Variants in ITPR1 observed in about 807,000 individuals in gnomAD.
ITPR1 encodes inositol 1,4,5-trisphosphate-gated calcium channel ITPR1.
Under a neutral mutation model 318.4 loss-of-function variants are expected in ITPR1, and 96 were observed. The ratio of observed to expected loss-of-function variants is 0.30; its 90% CI spans 0.26 to 0.36. ITPR1 has a LOEUF of 0.36. Ranked by LOEUF, ITPR1 falls within the 10% of genes least tolerant of loss-of-function variation. ITPR1 has a pLI of 1.00. For synonymous variants in ITPR1, 1,312 were observed against 1,289.9 expected (o/e 1.02, Z -0.37); for missense variants, 2,440 against 3,460.2 (o/e 0.71, Z 7.40).
At chr3:4,690,948 GTTTA>G (rs1300690315) in intron 31 of ITPR1, among the ~76,000 whole-genome samples, 192 bp from the exon 32 acceptor site, 1 of 152,066 alleles carries the variant, frequency 6.6e-6, no homozygotes, top group African/African-American at 2.4e-5. Context: ...TTTTCTGTAT[GTTTA>G]TTTATATGTC....
intron 24 of ITPR1, among the ~76,000 whole-genome samples, chr3:4,677,686 A>G (rs2094212226): frequency 6.6e-6 from 1 of 152,202 alleles, no homozygotes; most frequent in South Asian, 2.1e-4. Context: ...ACATGGGCAG[A>G]GAGCGATTGT....
intron 17 of ITPR1, among the ~76,000 whole-genome samples, chr3:4,666,794 G>A (rs2093956995): frequency 6.6e-6 from 1 of 152,166 alleles, no homozygotes; most frequent in South Asian, 2.1e-4. Context: ...ATATTTCTAT[G>A]GAATGTGATA....
intron 4 of ITPR1, among the ~76,000 whole-genome samples, chr3:4,619,792 C>CCTCCCCTGCTCTCCTCTGCT (rs1559550298): frequency 8.3e-6 from 1 of 120,620 alleles, no homozygotes; most frequent in Non-Finnish European, 1.8e-5. Context: ...TCTCCTCTGC[C>CCTCCCCTGCTCTCCTCTGCT]CTCCCCTGCT....
chr3:4,599,287 A>G (rs1014775507), intron 4 of ITPR1, among the ~76,000 whole-genome samples: 2 of 152,248 alleles, frequency 1.3e-5, no homozygotes, highest in Admixed American at 1.3e-4. Flanking sequence ...CTGTAGCTGC[A>G]AATCAGCAGC....
rs1211582138 is a variant in ITPR1, at chr3:4,779,171, G to A, written c.6292-379G>A. On this transcript the variant is annotated intron_variant, in intron 48 of 61. Coordinates refer to ENST00000649015, the MANE Select transcript of ITPR1 (RefSeq NM_001378452.1). The surrounding 1 kb of genome is among the most constrained non-coding windows in gnomAD (Gnocchi z 4.0). ...TGTAACCACACCTGCCCGGAAGGCA[G>A]CACAGATCTGTGTAGTAGCAGCTTC... Among the ~76,000 whole-genome samples the A allele has an allele frequency of 1.3e-5, 2 of 152,260 alleles. No homozygotes were observed. Among genetic ancestry groups the A allele is most frequent in the African/African-American group, 4.8e-5 (2 of 41,472 alleles).
Position 4,699,957 on chromosome 3 carries a change from C to A in ITPR1, c.4536+16C>A. The A allele has an allele frequency of 1.2e-6, 2 of 1,609,392 alleles. No individual in the cohort carries two copies. The highest frequency in any genetic ancestry group is 1.7e-6 in the Non-Finnish European group (2 of 1,176,264). The stretch of plus-strand genomic sequence containing the variant: ...GACTTTGCAGGTAAGAAATAACCAA[C>A]GTCAAGCAGAATGTTCACGATACAC... On this transcript the variant is annotated intron_variant, in intron 35 of 61. Transcript: ENST00000649015.
chr3:4,695,547 G>T (rs1009682037), intron 33 of ITPR1, among the ~76,000 whole-genome samples: 1 of 152,006 alleles, frequency 6.6e-6, no homozygotes, highest in African/African-American at 2.4e-5. Context: ...CCCCTTTCCT[G>T]TCCTCACCTC....
intron 4 of ITPR1, among the ~76,000 whole-genome samples, chr3:4,571,244 G>A (rs939501292): frequency 6.6e-6 from 1 of 152,138 alleles, no homozygotes; most frequent in African/African-American, 2.4e-5. Flanking sequence ...GAAGAGCTGG[G>A]ACTAAATGAT....
chr3:4,688,384 G>C, intron 30 of ITPR1, 111 bp from the exon 31 acceptor site: 2 of 1,305,266 alleles, frequency 1.5e-6, no homozygotes, highest in Admixed American at 1.9e-5. Flanking sequence ...ACCCACAACA[G>C]GTCCCCAGCA....
Position 4,624,388 on chromosome 3 carries a change from G to A in ITPR1, c.164-3375G>A, listed in dbSNP as rs567692764. On this transcript the variant is annotated intron_variant, in intron 4 of 61. Coordinates refer to ENST00000649015, the MANE Select transcript of ITPR1 (RefSeq NM_001378452.1). ...TCCCGAATTAGATTAAGATTAAACA[G>A]TAAGGTGCAGTGTCTCACGCCTGTA... Among the ~76,000 whole-genome samples, 14 of 152,358 alleles carry A rather than the reference G, an allele frequency of 9.2e-5. No homozygotes were observed. The South Asian group carries it at 1.2e-3, about 14-fold the overall frequency.
intron 60 of ITPR1, among the ~76,000 whole-genome samples, chr3:4,834,761 C>T (rs920148462): frequency 2.0e-5 from 3 of 152,150 alleles, no homozygotes; most frequent in African/African-American, 7.2e-5. Context: ...TGGGGAAGCA[C>T]TTTGGGTTTC....
At chr3:4,829,930 GT>G (rs1050185268) in intron 60 of ITPR1, among the ~76,000 whole-genome samples, 4 of 111,524 alleles carry the variant, frequency 3.6e-5, no homozygotes, top group Admixed American at 8.4e-5. Flanking sequence ...ATTTTTTAGG[GT>G]TTTTTTTAAA....
At chr3:4,529,250 C>A (rs1053245006) in intron 4 of ITPR1, among the ~76,000 whole-genome samples, 5 of 152,160 alleles carry the variant, frequency 3.3e-5, no homozygotes, top group African/African-American at 1.2e-4. Flanking sequence ...TAATGGAGAA[C>A]CATTTTCACT....
At chr3:4,846,069 T>A in intron 61 of ITPR1, 70 bp from the exon 62 acceptor site, 1 of 874,572 alleles carries the variant, frequency 1.1e-6, no homozygotes, top group South Asian at 1.7e-5. Context: ...GAGGTAAATC[T>A]ATGGTTCAGT....
intron 2 of ITPR1, among the ~76,000 whole-genome samples, chr3:4,513,664 A>G (rs2081991058): frequency 6.6e-6 from 1 of 152,208 alleles, no homozygotes; most frequent in Non-Finnish European, 1.5e-5. Flanking sequence ...CCATGGTAGA[A>G]AAATTAGAAA....
At chr3:4,788,729 C>A (rs2047361015) in intron 52 of ITPR1, among the ~76,000 whole-genome samples, 1 of 152,206 alleles carries the variant, frequency 6.6e-6, no homozygotes, top group Non-Finnish European at 1.5e-5. Context: ...CTTCTGTGTT[C>A]CTGGTTTTCA....
chr3:4,516,717 C>A, intron 3 of ITPR1, 134 bp downstream of exon 3: 1 of 672,578 alleles, frequency 1.5e-6, no homozygotes, highest in Non-Finnish European at 2.6e-6. Context: ...ATCACAAACA[C>A]CAAATCTCAT....
intron 46 of ITPR1, among the ~76,000 whole-genome samples, chr3:4,771,476 C>T (rs570745906): frequency 2.0e-5 from 3 of 152,322 alleles, no homozygotes; most frequent in East Asian, 1.9e-4. Context: ...TTCCCTCCCT[C>T]GCCCACACAC....
At chr3:4,718,879 C>T (rs1000477634) in intron 40 of ITPR1, among the ~76,000 whole-genome samples, 1 of 152,166 alleles carries the variant, frequency 6.6e-6, no homozygotes, top group African/African-American at 2.4e-5. Flanking sequence ...GATGTTGGCA[C>T]CCTTTAAGAC....
Sources: gnomAD v4.1 joint callset for allele counts (sites outside exome capture counted in the v4.1 genomes callset) on GRCh38, gnomAD v4.1.1 for gene constraint, Gnocchi (gnomAD v3.1) non-coding constraint, MANE v1.5 for transcripts, NCBI Gene and HGNC (gene_info 2026-07-23, HGNC 2026-07-21) for gene names.